IRAK1BP1: variants seen among roughly 807,000 people sequenced by gnomAD.
IRAK1BP1 encodes the protein interleukin 1 receptor associated kinase 1 binding protein 1, also known as interleukin-1 receptor-associated kinase 1-binding protein 1.
IRAK1BP1 carries 24 observed loss-of-function variants against 28.0 expected under a neutral mutation model. The observed-to-expected ratio is 0.86, with a 90% CI of 0.62 to 1.20. The LOEUF is 1.20. Ranked by LOEUF, IRAK1BP1 falls within the 50% of genes most tolerant of loss-of-function variation. The pLI, the probability that IRAK1BP1 is intolerant of heterozygous loss-of-function variation, is 0.00. For missense variants in IRAK1BP1, 336 were observed against 316.7 expected, an observed-to-expected ratio of 1.06 and a Z score of -0.46; for synonymous variants, 131 against 116.3, an observed-to-expected ratio of 1.13 and a Z score of -0.81.
rs545244302 is a variant in IRAK1BP1 at position 78,894,030 on chromosome 6, T to G, written c.382-3799T>G. Among the ~76,000 whole-genome samples, 195 of 152,348 alleles carry G rather than the reference T, an allele frequency of 1.3e-3. 1 individual carries two copies. In the South Asian group the frequency reaches 0.021, roughly 16 times the overall value. On this transcript the variant is annotated intron_variant, in intron 2 of 3. Transcript: ENST00000369940. ...AGGGAAGAACAGAAGTACAGTGTTA[T>G]AAACTTCTTATATGTGAAATGATAT...
rs773979076 is a variant in IRAK1BP1 at position 78,867,786 on chromosome 6, G to A, written c.210G>A (p.Val70=). The change falls in exon 1 of 4, where the codon GTG becomes GTA. Residue 70 remains valine, a synonymous_variant. Transcript: ENST00000369940. ...EVSAGPDRAQ[V]VVRVSSTKEA... ...CTGCGGGCCCTGACCGGGCGCAGGT[G>A]GTGGTGCGAGTGAGCAGCACCAAGG... 4 of 1,613,860 alleles carry A rather than the reference G, an allele frequency of 2.5e-6. No individual in the cohort carries two copies. In the South Asian group the frequency reaches 3.3e-5, roughly 13 times the overall value.
chr6:78,926,187 C>A (rs560597644), intron 4 of IRAK1BP1, among the ~76,000 whole-genome samples: 102 of 152,122 alleles, frequency 6.7e-4, no homozygotes, highest in African/African-American at 2.0e-3. Flanking sequence ...TCTGGTGAGG[C>A]TGCAAAGAAA....
At chr6:78,874,829 C>T (rs1007403684) in intron 1 of IRAK1BP1, among the ~76,000 whole-genome samples, 2 of 151,950 alleles carry the variant, frequency 1.3e-5, no homozygotes, top group Non-Finnish European at 2.9e-5. Context: ...AGACATTGAC[C>T]TAGGCAAAGA....
chr6:78,978,388 TA>T, the IRAK1BP1 span, among the ~76,000 whole-genome samples: 1 of 152,222 alleles, frequency 6.6e-6, no homozygotes, highest in East Asian at 1.9e-4. Flanking sequence ...TTTTCATTCT[TA>T]TAATATTCAG....
chr6:78,925,101 T>C (rs1484057248), intron 4 of IRAK1BP1, among the ~76,000 whole-genome samples: 1 of 151,240 alleles, frequency 6.6e-6, no homozygotes, highest in African/African-American at 2.4e-5. Context: ...TTCTCACTCA[T>C]AGGTGGGAAT....
At position 78,872,243 on chromosome 6, in the gene IRAK1BP1, T is replaced by C. The variant is rs996273814; in HGVS notation, c.315+4352T>C. 1.8e-5 allele frequency: 11 copies of C among 598,154 alleles called. No individual in the cohort carries two copies. In the African/African-American group the frequency reaches 1.9e-4, roughly 10 times the overall value. The allele number at this position is 598,154 out of a possible 1,614,324, so 37.1% of individuals were successfully genotyped here. Reference sequence around the variant, plus strand: ...ATCCTTTAGTGCCTTTCTTTCCTTATCTGTCTTGCATCCCACTCTGTTAAT... The same window carrying C: ...ATCCTTTAGTGCCTTTCTTTCCTTACCTGTCTTGCATCCCACTCTGTTAAT... On this transcript the variant is annotated intron_variant, in intron 1 of 3. Transcript: ENST00000369940.
At chr6:78,962,952 C>T in the IRAK1BP1 span, 1 of 641,360 alleles carries the variant, frequency 1.6e-6, no homozygotes, top group Non-Finnish European at 2.6e-6. Flanking sequence ...GTTAAGACCA[C>T]ATTCAAAAAG....
At chr6:78,942,680 A>T (rs1359568988) in intron 4 of IRAK1BP1, among the ~76,000 whole-genome samples, 1 of 152,230 alleles carries the variant, frequency 6.6e-6, no homozygotes, top group Admixed American at 6.5e-5. Flanking sequence ...ACTGACATTT[A>T]AACTGCCCAG....
intron 2 of IRAK1BP1, among the ~76,000 whole-genome samples, chr6:78,895,898 G>C (rs961054714): frequency 2.0e-5 from 3 of 152,058 alleles, no homozygotes; most frequent in African/African-American, 2.4e-5. Context: ...CATCCAGAGT[G>C]GAAAGGAAGA....
At position 78,929,826 on chromosome 6, in the gene IRAK1BP1, T is replaced by G. The variant is rs111885016; in HGVS notation, c.*68-15582T>G. 3.4e-3 allele frequency among the ~76,000 whole-genome samples: 521 copies of G among 152,332 alleles called. 3 individuals carry two copies. Among genetic ancestry groups the G allele is most frequent in the African/African-American group, 0.012 (489 of 41,574 alleles). On this transcript the variant is annotated intron_variant and NMD_transcript_variant, in intron 4 of 4. Coordinates refer to the IRAK1BP1 transcript ENST00000606868. Reference sequence around the variant, plus strand: ...TAGTCTGGAGTACCTAAACTTCTTATATTGGTCCACTGAACATATAAGCTA... The same window carrying G: ...TAGTCTGGAGTACCTAAACTTCTTAGATTGGTCCACTGAACATATAAGCTA...
chr6:78,952,634 T>C, the IRAK1BP1 span, among the ~76,000 whole-genome samples: 6 of 152,056 alleles, frequency 3.9e-5, no homozygotes, highest in African/African-American at 1.4e-4. Flanking sequence ...TTCTATAGAA[T>C]TTGCTTAGAT....
chr6:78,949,170 T>C (rs1773996849), downstream of IRAK1BP1, among the ~76,000 whole-genome samples: 1 of 152,186 alleles, frequency 6.6e-6, no homozygotes, highest in Non-Finnish European at 1.5e-5. Context: ...TTTCCTTTGT[T>C]CCCGGTTTTC....
intron 1 of IRAK1BP1, among the ~76,000 whole-genome samples, chr6:78,875,641 T>C (rs1423631313): frequency 6.6e-6 from 1 of 152,112 alleles, no homozygotes; most frequent in East Asian, 1.9e-4. Context: ...AAACCACATA[T>C]TCTCACTTAT....
chr6:78,937,017 T>C (rs1464261041), intron 4 of IRAK1BP1: 2 of 151,790 alleles, frequency 1.3e-5, no homozygotes, highest in East Asian at 3.8e-4. Flanking sequence ...ATGTTAGAAA[T>C]ACTTTTTAGG....
intron 2 of IRAK1BP1, among the ~76,000 whole-genome samples, chr6:78,887,401 C>G (rs768716316): frequency 5.9e-5 from 9 of 152,098 alleles, no homozygotes; most frequent in Non-Finnish European, 8.8e-5. Flanking sequence ...CGCGATGGCT[C>G]TCACCTGTAA....
the IRAK1BP1 span, among the ~76,000 whole-genome samples, chr6:78,971,666 T>G: frequency 2.0e-5 from 3 of 152,096 alleles, no homozygotes; most frequent in East Asian, 1.9e-4. Context: ...GGTCAGTGGG[T>G]GCGCGCACCG....
the IRAK1BP1 span, chr6:78,969,815 C>T: frequency 8.1e-7 from 1 of 1,233,610 alleles, no homozygotes; most frequent in Non-Finnish European, 1.2e-6. Flanking sequence ...ACATCGATAG[C>T]TTCTAAATAA....
At chr6:78,968,122 GAGA>G in the IRAK1BP1 span, among the ~76,000 whole-genome samples, 14 of 152,078 alleles carry the variant, frequency 9.2e-5, no homozygotes, top group Non-Finnish European at 2.1e-4. Flanking sequence ...GTGACAGAGC[GAGA>G]CTCCATCTCA....
Position 78,898,369 on chromosome 6 carries a change from T to G in IRAK1BP1, c.*35T>G. ...CAAATTATATTGTACTTGTATCTTT[T>G]TACCTATTTTTATACTTTTTATAAT... On this transcript the variant is annotated 3_prime_UTR_variant, in exon 4 of 4. Coordinates refer to ENST00000369940, the MANE Select transcript of IRAK1BP1 (RefSeq NM_001010844.4). The G allele has an allele frequency of 8.7e-7, 1 of 1,145,940 alleles. No individual in the cohort carries two copies. Among genetic ancestry groups the G allele is most frequent in the Non-Finnish European group, 1.2e-6 (1 of 844,066 alleles). The allele number at this position is 1,145,940 out of a possible 1,614,324, so 71.0% of individuals were successfully genotyped here. A position where few individuals can be genotyped will look rare whatever the true frequency, so the allele number is the denominator to read the frequency against.
Sources: gnomAD v4.1 joint callset for allele counts (sites outside exome capture counted in the v4.1 genomes callset) on GRCh38, gnomAD v4.1.1 for gene constraint, MANE v1.5 for transcripts, NCBI Gene and HGNC (gene_info 2026-07-23, HGNC 2026-07-21) for gene names.